Variants in EYS observed in about 807,000 individuals in gnomAD.
The protein encoded by EYS is protein eyes shut homolog.
Under a neutral mutation model 282.1 loss-of-function variants are expected in EYS, and 250 were observed. The ratio of observed to expected loss-of-function variants is 0.89; its 90% CI spans 0.80 to 0.98. EYS has a LOEUF of 0.98. Ranked by LOEUF, EYS falls within the 50% of genes least tolerant of loss-of-function variation. EYS has a pLI of 0.00. For missense variants in EYS, 4,016 were observed against 3,709.0 expected, an observed-to-expected ratio of 1.08 and a Z score of -2.15; for synonymous variants, 1,355 against 1,282.9, an observed-to-expected ratio of 1.06 and a Z score of -1.20.
chr6:64,780,467 G>A (rs1283955994), intron 22 of EYS, among the ~76,000 whole-genome samples: 1 of 152,082 alleles, frequency 6.6e-6, no homozygotes, highest in Non-Finnish European at 1.5e-5. Flanking sequence ...TAACCAATGG[G>A]CACACATGGA....
rs148457759 is a variant in EYS, at chr6:65,687,966, A to G, written c.-448+19169T>C. Among the ~76,000 whole-genome samples, 378 of 152,348 alleles carry G rather than the reference A, an allele frequency of 2.5e-3. 3 individuals are homozygous for G. Among genetic ancestry groups the G allele is most frequent in the African/African-American group, 8.6e-3 (356 of 41,584 alleles). ...ACAAATGGAAGAACATTCCATGCTCATGAGTAGGAAGAATCAATATCGTGA... is the reference window on the plus strand; with the variant it reads ...ACAAATGGAAGAACATTCCATGCTCGTGAGTAGGAAGAATCAATATCGTGA... On this transcript the variant is annotated intron_variant, in intron 1 of 42. Transcript: ENST00000503581.
chr6:65,530,152 T>C (rs1767710613), intron 2 of EYS, among the ~76,000 whole-genome samples: 1 of 152,168 alleles, frequency 6.6e-6, no homozygotes, highest in Non-Finnish European at 1.5e-5. Flanking sequence ...ATTAATATAA[T>C]GAGATAATCA....
chr6:65,614,996 A>C, intron 2 of EYS, among the ~76,000 whole-genome samples: 1 of 152,214 alleles, frequency 6.6e-6, no homozygotes. Context: ...TCTATTCAAA[A>C]CCACTAGCTT....
At chr6:63,724,302 A>G (rs1484139794) in intron 42 of EYS, among the ~76,000 whole-genome samples, 1 of 152,218 alleles carries the variant, frequency 6.6e-6, no homozygotes, top group Non-Finnish European at 1.5e-5. Context: ...ATTATAGATA[A>G]GAGAAACCTT....
chr6:64,995,563 C>T lies in EYS; in HGVS notation c.2259+2019G>A, dbSNP rs186962057. On this transcript the variant is annotated intron_variant, in intron 14 of 42. Coordinates refer to ENST00000503581, the MANE Select transcript of EYS (RefSeq NM_001142800.2). Reference sequence around the variant, plus strand: ...ATAACACCATTTCTTGGAAGGATATCACCAGTATGATGACATTTCTGTTCT... The same window carrying T: ...ATAACACCATTTCTTGGAAGGATATTACCAGTATGATGACATTTCTGTTCT... Among the ~76,000 whole-genome samples the T allele has an allele frequency of 2.8e-4, 43 of 152,206 alleles. No individual in the cohort carries two copies. The East Asian group carries it at 7.9e-3, about 28-fold the overall frequency.
At chr6:64,653,461 C>T (rs974133279) in intron 22 of EYS, among the ~76,000 whole-genome samples, 22 of 152,088 alleles carry the variant, frequency 1.4e-4, no homozygotes, top group South Asian at 8.3e-4. Flanking sequence ...CGGGTTAATA[C>T]TCAATTTTTA....
chr6:64,179,097 A>G (rs1764716544), intron 31 of EYS, among the ~76,000 whole-genome samples: 1 of 152,084 alleles, frequency 6.6e-6, no homozygotes, highest in Admixed American at 6.6e-5. Flanking sequence ...TAATTTTTCT[A>G]GTGCAAGAAT....
At chr6:64,825,339 T>C (rs1765019357) in intron 19 of EYS, among the ~76,000 whole-genome samples, 1 of 151,948 alleles carries the variant, frequency 6.6e-6, no homozygotes, top group Admixed American at 6.6e-5. Context: ...CCATAAGATG[T>C]ATTCATCTTT....
chr6:64,118,217 A>G (rs1773455768), intron 31 of EYS, among the ~76,000 whole-genome samples: 1 of 152,134 alleles, frequency 6.6e-6, no homozygotes. Flanking sequence ...TAAAGCCACA[A>G]GCCATCTTGA....
At chr6:63,762,008 T>C (rs140057408) in intron 41 of EYS, among the ~76,000 whole-genome samples, 27 of 152,168 alleles carry the variant, frequency 1.8e-4, no homozygotes, top group Non-Finnish European at 3.7e-4. Flanking sequence ...ACACTGTTGC[T>C]TCTTACTGTT....
At chr6:63,777,968 C>T in intron 40 of EYS, 38 bp downstream of exon 40, 1 of 1,542,542 alleles carries the variant, frequency 6.5e-7, no homozygotes, top group Admixed American at 2.0e-5. Context: ...AGAGTGCAAA[C>T]AACCTGCTAC....
intron 30 of EYS, among the ~76,000 whole-genome samples, chr6:64,256,070 C>T (rs1167381282): frequency 6.6e-6 from 1 of 151,994 alleles, no homozygotes; most frequent in African/African-American, 2.4e-5. Context: ...CTATAAATGA[C>T]ATTGTCTAAA....
intron 22 of EYS, among the ~76,000 whole-genome samples, chr6:64,729,278 A>G (rs74881146): frequency 0.047 from 7,082 of 152,216 alleles, 231 homozygotes; most frequent in East Asian, 0.18. Flanking sequence ...CAAGAAACCC[A>G]AGTGAGATAA....
chr6:64,482,541 G>A (rs543200088), intron 26 of EYS, among the ~76,000 whole-genome samples: 2 of 151,646 alleles, frequency 1.3e-5, no homozygotes, highest in South Asian at 4.1e-4. Flanking sequence ...GGACATAGTA[G>A]TTTCTATCTC....
intron 33 of EYS, among the ~76,000 whole-genome samples, chr6:64,014,208 T>C (rs1035875594): frequency 2.0e-5 from 3 of 152,020 alleles, no homozygotes; most frequent in African/African-American, 4.8e-5. Flanking sequence ...TTTACCAAAA[T>C]TTAAACAAAA....
At chr6:64,218,443 A>C (rs550700782) in intron 31 of EYS, among the ~76,000 whole-genome samples, 91 of 152,272 alleles carry the variant, frequency 6.0e-4, no homozygotes, top group African/African-American at 2.1e-3. Context: ...GGGAGGATAG[A>C]ATCTTGACTT....
At chr6:65,418,173 G>T (rs927645600) in intron 5 of EYS, among the ~76,000 whole-genome samples, 7 of 152,008 alleles carry the variant, frequency 4.6e-5, no homozygotes, top group African/African-American at 1.4e-4. Context: ...ACCAGCCTAA[G>T]TTCCTATTTA....
chr6:64,107,285 T>TTA (rs55756711), intron 31 of EYS, among the ~76,000 whole-genome samples: 19,726 of 100,948 alleles, frequency 0.2, 1,969 homozygotes, highest in Admixed American at 0.28. Context: ...ATATATATAT[T>TTA]TATATATATA....
At chr6:64,458,768 C>T (rs1294668404) in intron 26 of EYS, among the ~76,000 whole-genome samples, 4 of 151,986 alleles carry the variant, frequency 2.6e-5, no homozygotes, top group African/African-American at 4.8e-5. Context: ...TTGTTCCACC[C>T]CTCCATGGAA....
Sources: gnomAD v4.1 joint callset for allele counts (sites outside exome capture counted in the v4.1 genomes callset) on GRCh38, gnomAD v4.1.1 for gene constraint, MANE v1.5 for transcripts, NCBI Gene and HGNC (gene_info 2026-07-23, HGNC 2026-07-21) for gene names.